The following MAP3K7 variants were observed in gnomAD, a reference collection of about 807,000 sequenced individuals.
The protein encoded by MAP3K7 is TGF-beta activated kinase 1.
MAP3K7 carries 21 observed loss-of-function variants against 84.8 expected under a neutral mutation model. That is an observed-to-expected ratio of 0.25 (90% CI 0.18 to 0.36). The LOEUF is 0.36. MAP3K7 is among the 10% of genes least tolerant of loss of function. The probability of loss-of-function intolerance (pLI) is 1.00; values close to 1 mark genes in which losing one functional copy is unlikely to be tolerated. For synonymous variants in MAP3K7, 241 were observed against 247.7 expected (o/e 0.97, Z 0.25); for missense variants, 503 against 747.7 (o/e 0.67, Z 3.82).
intron 3 of MAP3K7, among the ~76,000 whole-genome samples, chr6:90,563,797 AAT>A (rs1776604961): frequency 6.6e-6 from 1 of 152,218 alleles, no homozygotes; most frequent in Non-Finnish European, 1.5e-5. Flanking sequence ...TGAAGGAAAA[AAT>A]GTTAAGGGCA....
chr6:90,556,387 C>T (rs905238451), intron 6 of MAP3K7, 113 bp downstream of exon 6: 24 of 1,109,946 alleles, frequency 2.2e-5, no homozygotes, highest in Non-Finnish European at 2.8e-5. Flanking sequence ...TCATTGTATA[C>T]TTTATGTATT....
At chr6:90,548,907 T>C (rs1268236122) in intron 9 of MAP3K7, among the ~76,000 whole-genome samples, 1 of 151,742 alleles carries the variant, frequency 6.6e-6, no homozygotes, top group East Asian at 1.9e-4. Flanking sequence ...ATTCCTTAAA[T>C]GTAGTGATGT....
intron 12 of MAP3K7, chr6:90,536,622 G>T: frequency 1.9e-6 from 1 of 514,228 alleles, no homozygotes; most frequent in South Asian, 2.1e-5. Flanking sequence ...AAAAGTTGCT[G>T]GCCTACAACA....
At chr6:90,541,977 T>C (rs540061322) in intron 12 of MAP3K7, among the ~76,000 whole-genome samples, 32 of 152,106 alleles carry the variant, frequency 2.1e-4, no homozygotes, top group Non-Finnish European at 3.2e-4. Context: ...GAAACTCTTA[T>C]CCATGTAAAT....
At chr6:90,578,583 G>A (rs993895940) in intron 1 of MAP3K7, among the ~76,000 whole-genome samples, 1 of 152,160 alleles carries the variant, frequency 6.6e-6, no homozygotes, top group African/African-American at 2.4e-5. Flanking sequence ...CCAGAGACAG[G>A]AGTTTTGTGC....
rs1392055145 is a variant in MAP3K7 at position 90,514,858 on chromosome 6, C to G, written c.*1643G>C. On this transcript the variant is annotated 3_prime_UTR_variant, in exon 17 of 17. Transcript: ENST00000369329. ...TCAGCTAGGTAATCAAATTTGGGAACAATTAACACTCCTTTTATTTAAATT... is the reference window on the plus strand; with the variant it reads ...TCAGCTAGGTAATCAAATTTGGGAAGAATTAACACTCCTTTTATTTAAATT... The G allele has an allele frequency of 1.3e-5, 1 of 74,862 alleles. No homozygotes were observed. Among genetic ancestry groups the G allele is most frequent in the Non-Finnish European group, 3.0e-5 (1 of 33,692 alleles). The allele number at this position is 74,862 out of a possible 1,614,324, so 4.6% of individuals were successfully genotyped here. A position where few individuals can be genotyped will look rare whatever the true frequency, so the allele number is the denominator to read the frequency against.
intron 1 of MAP3K7, among the ~76,000 whole-genome samples, chr6:90,575,793 G>A (rs1777054883): frequency 6.6e-6 from 1 of 152,140 alleles, no homozygotes; most frequent in Non-Finnish European, 1.5e-5. Context: ...TTCAAAGGAT[G>A]CAAGTGAGGC....
At chr6:90,544,745 C>T (rs1016349395) in intron 11 of MAP3K7, 113 bp from the exon 12 acceptor site, 11 of 863,482 alleles carry the variant, frequency 1.3e-5, no homozygotes, top group Admixed American at 1.9e-5. Flanking sequence ...AATAACATTT[C>T]ATGCAGAATG....
rs1363754782 is a variant in MAP3K7, at chr6:90,586,783, T to G, written c.101A>C (p.Lys34Thr). The change falls in exon 1 of 17, where the codon AAG becomes ACG. Residue 34 changes from lysine to threonine, a missense_variant. Physicochemically the swap from Lys to Thr is moderately conservative, Grantham distance 78. This residue lies in a region of MAP3K7 where 41 missense variants were observed against 41.4 expected (regional missense o/e 0.99). Transcript: ENST00000369329. The stretch of plus-strand genomic sequence containing the variant: ...GCTCACCTCTTCCACCTCGATCTCC[T>G]TGTAGTCGATCTCTTCAAAGTTGAG... ...QVLNFEEIDY[K>T]EIEVEEVVGR... The G allele has an allele frequency of 1.9e-6, 3 of 1,605,414 alleles. No homozygotes were observed. The highest frequency in any genetic ancestry group is 2.6e-6 in the Non-Finnish European group (3 of 1,176,370).
chr6:90,520,071 G>A (rs1484023790), intron 14 of MAP3K7, among the ~76,000 whole-genome samples: 2 of 152,014 alleles, frequency 1.3e-5, no homozygotes, highest in Non-Finnish European at 2.9e-5. Flanking sequence ...ACTGAGATGC[G>A]TGGGACAGTC....
At chr6:90,525,760 G>A (rs1386553443) in intron 13 of MAP3K7, among the ~76,000 whole-genome samples, 1 of 151,444 alleles carries the variant, frequency 6.6e-6, no homozygotes, top group Non-Finnish European at 1.5e-5. Context: ...TAGAGCCAGG[G>A]TCTTGCTACG....
chr6:90,533,823 C>T (rs978210667), intron 13 of MAP3K7, among the ~76,000 whole-genome samples: 4 of 152,158 alleles, frequency 2.6e-5, no homozygotes, highest in African/African-American at 9.7e-5. Context: ...GCCACAGTGT[C>T]AAACCAGTTC....
intron 11 of MAP3K7, among the ~76,000 whole-genome samples, chr6:90,546,161 C>G (rs564742881): frequency 1.3e-5 from 2 of 152,188 alleles, no homozygotes; most frequent in East Asian, 3.9e-4. Context: ...TCTGTTATAT[C>G]TAATGGATTC....
chr6:90,521,476 T>A (rs1377409666), intron 14 of MAP3K7, among the ~76,000 whole-genome samples: 2 of 152,048 alleles, frequency 1.3e-5, no homozygotes, highest in East Asian at 3.9e-4. Context: ...TAAAGAAAAG[T>A]CTCATCATTT....
chr6:90,513,961 TG>T lies in MAP3K7; in HGVS notation c.*2539del, dbSNP rs1774879704. 6.6e-6 allele frequency: 1 copy of T among 152,108 alleles called. No homozygotes were observed. The highest frequency in any genetic ancestry group is 2.4e-5 in the African/African-American group (1 of 41,434). The allele number at this position is 152,108 out of a possible 1,614,324, so 9.4% of individuals were successfully genotyped here. On this transcript the variant is annotated 3_prime_UTR_variant, in exon 17 of 17. Coordinates refer to ENST00000369329, the MANE Select transcript of MAP3K7 (RefSeq NM_145331.3). ...TTGCTATGCGGTAAATATTCTTAAC[TG>T]ATTATTATTCAACTCAAAAAAGTGA...
intron 1 of MAP3K7, among the ~76,000 whole-genome samples, chr6:90,582,487 T>C (rs1292897789): frequency 5.3e-5 from 8 of 152,182 alleles, no homozygotes; most frequent in Non-Finnish European, 1.0e-4. Flanking sequence ...TGAAAGATAA[T>C]AGAAATGACA....
intron 13 of MAP3K7, among the ~76,000 whole-genome samples, chr6:90,536,102 C>T (rs1231676816): frequency 2.0e-5 from 3 of 151,988 alleles, no homozygotes; most frequent in Admixed American, 1.3e-4. Context: ...CGCTAATGAA[C>T]AATTTACTTT....
chr6:90,535,800 T>TAG (rs1775650962), intron 13 of MAP3K7, among the ~76,000 whole-genome samples: 1 of 152,108 alleles, frequency 6.6e-6, no homozygotes, highest in African/African-American at 2.4e-5. Context: ...ACCACTGGAA[T>TAG]AGAAGCCTTT....
At chr6:90,568,669 G>C (rs1198635811) in intron 2 of MAP3K7, 46 bp from the exon 3 acceptor site, 1 of 1,358,854 alleles carries the variant, frequency 7.4e-7, no homozygotes, top group African/African-American at 1.5e-5. Context: ...AACTTTTGAA[G>C]TACTGATTTC....
Sources: gnomAD v4.1 joint callset for allele counts (sites outside exome capture counted in the v4.1 genomes callset) on GRCh38, gnomAD v4.1.1 for gene constraint, gnomAD v4.1.1 regional missense constraint, MANE v1.5 for transcripts, NCBI Gene and HGNC (gene_info 2026-07-23, HGNC 2026-07-21) for gene names.